The following RAC1 variants were observed in gnomAD, a reference collection of about 807,000 sequenced individuals.
RAC1 encodes Rac family small GTPase 1.
RAC1 carries 2 observed loss-of-function variants against 25.2 expected under a neutral mutation model. The ratio of observed to expected loss-of-function variants is 0.08; its 90% CI spans 0.03 to 0.25. RAC1 has a LOEUF of 0.25. Among genes scored for constraint, RAC1 ranks in the 10% least tolerant of loss-of-function variants. The pLI is 1.00. For synonymous variants in RAC1, 88 were observed against 94.0 expected, an observed-to-expected ratio of 0.94 and a Z score of 0.37; for missense variants, 50 against 235.7, an observed-to-expected ratio of 0.21 and a Z score of 5.16.
intron 1 of RAC1, among the ~76,000 whole-genome samples, chr7:6,378,594 A>G (rs1782673508): frequency 6.6e-6 from 1 of 152,216 alleles, no homozygotes; most frequent in African/African-American, 2.4e-5. Flanking sequence ...GCATGTTAGA[A>G]AATTCTAGAT....
At chr7:6,398,777 T>TC in intron 3 of RAC1, 1 of 1,515,962 alleles carries the variant, frequency 6.6e-7, no homozygotes, top group African/African-American at 1.4e-5. Context: ...TCATTTCACT[T>TC]CGTTTTCCTA....
intron 1 of RAC1, among the ~76,000 whole-genome samples, chr7:6,375,644 G>T (rs1022893278): frequency 3.3e-5 from 5 of 151,996 alleles, no homozygotes; most frequent in Admixed American, 6.6e-5. Flanking sequence ...GCTGTAATGG[G>T]GGACTGTTTT....
intron 1 of RAC1, among the ~76,000 whole-genome samples, chr7:6,376,067 C>A (rs1332511788): frequency 6.6e-6 from 1 of 151,088 alleles, no homozygotes; most frequent in Non-Finnish European, 1.5e-5. Context: ...TTGGTTCTTG[C>A]AATTCAGATG....
intron 1 of RAC1, among the ~76,000 whole-genome samples, chr7:6,379,108 C>G (rs1041313797): frequency 6.6e-6 from 1 of 151,792 alleles, no homozygotes. Flanking sequence ...AAAAAAAAGA[C>G]AGCATCTTAC....
At chr7:6,401,810 A>C in intron 4 of RAC1, 58 bp from the exon 5 acceptor site, 3 of 1,547,512 alleles carry the variant, frequency 1.9e-6, no homozygotes, top group Non-Finnish European at 2.6e-6. Context: ...GGTGTGATTT[A>C]GGTGAAGGAC....
At chr7:6,381,852 G>A (rs1404148361) in intron 1 of RAC1, among the ~76,000 whole-genome samples, 1 of 152,106 alleles carries the variant, frequency 6.6e-6, no homozygotes, top group East Asian at 1.9e-4. Context: ...TTATATATAA[G>A]GCCTACCGTT....
chr7:6,394,918 G>C (rs35230278), intron 3 of RAC1, among the ~76,000 whole-genome samples: 4 of 152,068 alleles, frequency 2.6e-5, no homozygotes, highest in Non-Finnish European at 5.9e-5. Flanking sequence ...GCAATGGTGC[G>C]ATCTTGGCTC....
intron 1 of RAC1, among the ~76,000 whole-genome samples, chr7:6,381,228 T>G (rs894033508): frequency 2.6e-5 from 4 of 152,162 alleles, no homozygotes; most frequent in Non-Finnish European, 4.4e-5. Context: ...TTTTGAACTC[T>G]TGTGTGTTCA....
chr7:6,401,390 CT>C (rs1783396478), intron 4 of RAC1, among the ~76,000 whole-genome samples: 1 of 152,126 alleles, frequency 6.6e-6, no homozygotes, highest in South Asian at 2.1e-4. Context: ...TCACAAACTT[CT>C]TAGTGAAAAT....
In RAC1 at chr7:6,403,726, G is replaced by A. The variant is rs1328126722; in HGVS notation, c.*1280G>A. ...TCGCCCACGCGGACACACGCCTCCT[G>A]TAGTCGCTTTGCCTATTGATGTTCC... On this transcript the variant is annotated 3_prime_UTR_variant, in exon 6 of 6. Transcript: ENST00000348035. 4.8e-6 allele frequency: 1 copy of A among 210,024 alleles called. No homozygotes were observed. The highest frequency in any genetic ancestry group is 7.3e-5 in the East Asian group (1 of 13,726). The allele number at this position is 210,024 out of a possible 1,614,324, so 13.0% of individuals were successfully genotyped here.
At chr7:6,396,150 A>G (rs547716522) in intron 3 of RAC1, among the ~76,000 whole-genome samples, 2 of 152,336 alleles carry the variant, frequency 1.3e-5, no homozygotes, top group Non-Finnish European at 1.5e-5. Flanking sequence ...GACTGGAAAC[A>G]TAGGCCGGTG....
intron 1 of RAC1, among the ~76,000 whole-genome samples, chr7:6,385,795 A>G (rs1782907735): frequency 6.6e-6 from 1 of 152,238 alleles, no homozygotes; most frequent in African/African-American, 2.4e-5. Flanking sequence ...ATTGAACGAC[A>G]AAAATCTTAA....
chr7:6,386,677 G>A (rs1782932267), intron 1 of RAC1, among the ~76,000 whole-genome samples: 3 of 151,742 alleles, frequency 2.0e-5, no homozygotes. Flanking sequence ...CCAGCTACTT[G>A]GGAGGCTGAG....
At chr7:6,399,464 C>T (rs925876696) in intron 3 of RAC1, among the ~76,000 whole-genome samples, 3 of 152,240 alleles carry the variant, frequency 2.0e-5, no homozygotes, top group Non-Finnish European at 4.4e-5. Flanking sequence ...AGATGTTTGG[C>T]GTGTGCCCCG....
intron 1 of RAC1, 150 bp downstream of exon 1, chr7:6,374,920 C>A: frequency 1.7e-6 from 1 of 579,846 alleles, no homozygotes; most frequent in Non-Finnish European, 2.2e-6. Context: ...GGGCCGCGGG[C>A]GGGCGCCCCC....
At chr7:6,387,165 G>A (rs1250128894) in intron 1 of RAC1, 47 bp from the exon 2 acceptor site, 3 of 1,196,392 alleles carry the variant, frequency 2.5e-6, no homozygotes, top group East Asian at 4.9e-5. Context: ...TGAAAGCTAA[G>A]ATTACATTCA....
At chr7:6,378,739 T>G (rs1181746474) in intron 1 of RAC1, among the ~76,000 whole-genome samples, 1 of 152,142 alleles carries the variant, frequency 6.6e-6, no homozygotes, top group Non-Finnish European at 1.5e-5. Flanking sequence ...GCCCCACCTT[T>G]TAACTTTCAC....
At chr7:6,392,861 C>G (rs2115202654) in intron 3 of RAC1, among the ~76,000 whole-genome samples, 1 of 152,342 alleles carries the variant, frequency 6.6e-6, no homozygotes, top group Non-Finnish European at 1.5e-5. Context: ...AGGCTTCATC[C>G]TCTCTCCAGT....
intron 4 of RAC1, 28 bp from the exon 5 acceptor site, chr7:6,401,838 TCA>T (rs1481883504): frequency 6.3e-7 from 1 of 1,597,650 alleles, no homozygotes; most frequent in Non-Finnish European, 8.5e-7. Context: ...AAGGAGCGTG[TCA>T]CAACCTCTGT....
Sources: allele counts gnomAD v4.1 joint callset (sites outside exome capture counted in the v4.1 genomes callset), GRCh38; gene constraint gnomAD v4.1.1; transcripts MANE v1.5; gene names NCBI Gene and HGNC (gene_info 2026-07-23, HGNC 2026-07-21).